Variants in NDST4 observed in about 807,000 individuals in gnomAD.
NDST4 encodes the protein N-deacetylase and N-sulfotransferase 4, also known as N-heparan sulfate sulfotransferase 4.
A neutral mutation model predicts 100.8 loss-of-function variants in NDST4; 63 were observed. The observed-to-expected ratio is 0.62, with a 90% CI of 0.51 to 0.77. The LOEUF is 0.77. Among genes scored for constraint, NDST4 ranks in the 30% least tolerant of loss-of-function variants. The pLI is 0.00. For missense variants in NDST4, 943 were observed against 1,018.4 expected, an observed-to-expected ratio of 0.93 and a Z score of 1.01; for synonymous variants, 377 against 361.8, an observed-to-expected ratio of 1.04 and a Z score of -0.48.
At chr4:114,879,890 A>G (rs1440261371) in intron 6 of NDST4, among the ~76,000 whole-genome samples, 2 of 152,188 alleles carry the variant, frequency 1.3e-5, no homozygotes, top group African/African-American at 4.8e-5. Flanking sequence ...TTCCCTTTCC[A>G]TTATCAGACT....
At chr4:115,035,117 C>G (rs12647287) in intron 2 of NDST4, among the ~76,000 whole-genome samples, 2 of 151,956 alleles carry the variant, frequency 1.3e-5, no homozygotes, top group African/African-American at 4.8e-5. Flanking sequence ...CATAGTAAAA[C>G]TATAACTCAT....
chr4:115,043,728 T>C (rs1044286953), intron 2 of NDST4, among the ~76,000 whole-genome samples: 1 of 152,140 alleles, frequency 6.6e-6, no homozygotes, highest in African/African-American at 2.4e-5. Flanking sequence ...AATACTCAAA[T>C]TGAAACTTAT....
chr4:114,949,771 A>C (rs1032911233), intron 4 of NDST4, among the ~76,000 whole-genome samples: 1 of 152,098 alleles, frequency 6.6e-6, no homozygotes, highest in African/African-American at 2.4e-5. Flanking sequence ...AAAAGCTGAG[A>C]AATTTATTCT....
At chr4:114,922,850 T>C (rs1239164044) in intron 6 of NDST4, among the ~76,000 whole-genome samples, 2 of 152,132 alleles carry the variant, frequency 1.3e-5, no homozygotes, top group Admixed American at 6.5e-5. Context: ...GGGATACATA[T>C]AGTAGAGGTG....
chr4:114,986,832 A>ATTTTTTTTTTTT (rs58065684), intron 2 of NDST4, among the ~76,000 whole-genome samples: 2 of 94,654 alleles, frequency 2.1e-5, no homozygotes, highest in African/African-American at 7.4e-5. Flanking sequence ...ATATATATAT[A>ATTTTTTTTTTTT]TTTTAATATA....
intron 2 of NDST4, among the ~76,000 whole-genome samples, chr4:115,054,078 C>A (rs1035788659): frequency 1.3e-5 from 2 of 151,492 alleles, no homozygotes. Flanking sequence ...GAAGAAATAA[C>A]GCAGATTATT....
At chr4:114,876,738 T>C (rs1184880754) in intron 6 of NDST4, among the ~76,000 whole-genome samples, 1 of 152,182 alleles carries the variant, frequency 6.6e-6, no homozygotes, top group Non-Finnish European at 1.5e-5. Context: ...GAGTCTACTA[T>C]TTAGATACAT....
intron 2 of NDST4, among the ~76,000 whole-genome samples, chr4:115,052,036 T>A (rs188586905): frequency 1.3e-5 from 2 of 152,290 alleles, no homozygotes; most frequent in Admixed American, 1.3e-4. Context: ...TGATTAGTGA[T>A]GTGAGCACTT....
At chr4:115,015,169 T>G (rs1727647815) in intron 2 of NDST4, among the ~76,000 whole-genome samples, 1 of 152,046 alleles carries the variant, frequency 6.6e-6, no homozygotes, top group Admixed American at 6.6e-5. Flanking sequence ...TACACAGTTT[T>G]TGTGTGTAAT....
At chr4:115,085,962 T>C (rs1204186951) in intron 1 of NDST4, among the ~76,000 whole-genome samples, 1 of 152,228 alleles carries the variant, frequency 6.6e-6, no homozygotes. Context: ...TGTCCGTATA[T>C]GCATGTGTGT....
Position 115,053,349 on chromosome 4 carries a change from G to T in NDST4, c.978+22710C>A, listed in dbSNP as rs1415398224. The stretch of plus-strand genomic sequence containing the variant: ...ATAGGATGGACTTTTTCTTTTAAAT[G>T]ATGAGATAATTGTCTCAGGGCTTTA... On this transcript the variant is annotated intron_variant, in intron 2 of 13. Transcript: ENST00000264363. 3.9e-5 allele frequency among the ~76,000 whole-genome samples: 6 copies of T among 152,210 alleles called. No homozygotes were observed. The South Asian group carries it at 6.2e-4, about 16-fold the overall frequency.
intron 1 of NDST4, among the ~76,000 whole-genome samples, chr4:115,078,731 C>T (rs1729241334): frequency 1.3e-5 from 2 of 151,982 alleles, no homozygotes; most frequent in Non-Finnish European, 2.9e-5. Context: ...ATCCCAACTA[C>T]TCAGGAGGCT....
intron 6 of NDST4, among the ~76,000 whole-genome samples, chr4:114,924,393 T>C (rs1725347192): frequency 6.6e-6 from 1 of 151,124 alleles, no homozygotes; most frequent in African/African-American, 2.4e-5. Context: ...TGGTGATTCA[T>C]GTCCTTTTGT....
At chr4:114,893,651 T>C (rs774272772) in intron 6 of NDST4, among the ~76,000 whole-genome samples, 4 of 152,000 alleles carry the variant, frequency 2.6e-5, no homozygotes, top group Non-Finnish European at 2.9e-5. Context: ...ACCTCTGTCA[T>C]ATGGGTAGAT....
chr4:114,948,023 C>G (rs776103133), intron 4 of NDST4, among the ~76,000 whole-genome samples: 58 of 151,940 alleles, frequency 3.8e-4, no homozygotes, highest in Non-Finnish European at 3.5e-4. Context: ...TTTTTGGATC[C>G]TTCTACAATT....
At chr4:115,006,029 CTCA>C (rs1215659600) in intron 2 of NDST4, among the ~76,000 whole-genome samples, 1 of 28,990 alleles carries the variant, frequency 3.4e-5, no homozygotes, top group Non-Finnish European at 6.3e-5. Flanking sequence ...GAGACTCTAT[CTCA>C]AAAAAAAAAA....
chr4:114,867,136 G>T (rs1724043694), intron 7 of NDST4, among the ~76,000 whole-genome samples: 1 of 152,070 alleles, frequency 6.6e-6, no homozygotes, highest in South Asian at 2.1e-4. Flanking sequence ...ACAATGAATA[G>T]GTTGAGCTAG....
intron 6 of NDST4, among the ~76,000 whole-genome samples, chr4:114,922,051 G>T (rs943034186): frequency 2.0e-5 from 3 of 151,980 alleles, no homozygotes; most frequent in Non-Finnish European, 4.4e-5. Context: ...ACCCCCCACC[G>T]CCTTCCAGTC....
intron 2 of NDST4, among the ~76,000 whole-genome samples, chr4:114,985,539 A>T (rs1412152109): frequency 7.2e-5 from 11 of 152,192 alleles, no homozygotes; most frequent in Non-Finnish European, 1.5e-5. Context: ...ATCCTGTCTT[A>T]CAAGTGGAGA....
Sources: allele counts gnomAD v4.1 joint callset (sites outside exome capture counted in the v4.1 genomes callset), GRCh38; gene constraint gnomAD v4.1.1; transcripts MANE v1.5; gene names NCBI Gene and HGNC (gene_info 2026-07-23, HGNC 2026-07-21).